Variants in MIDEAS observed in about 807,000 individuals in gnomAD.
MIDEAS encodes the protein mitotic deacetylase associated SANT domain protein.
Under a neutral mutation model 102.7 loss-of-function variants are expected in MIDEAS, and 26 were observed. The ratio of observed to expected loss-of-function variants is 0.25; its 90% CI spans 0.19 to 0.35. The LOEUF is 0.35. Among genes scored for constraint, MIDEAS ranks in the 10% least tolerant of loss-of-function variants. MIDEAS has a pLI of 1.00. For synonymous variants in MIDEAS, 585 were observed against 591.0 expected, an observed-to-expected ratio of 0.99 and a Z score of 0.15; for missense variants, 1,231 against 1,435.6, an observed-to-expected ratio of 0.86 and a Z score of 2.30.
intron 1 of MIDEAS, among the ~76,000 whole-genome samples, chr14:73,754,097 A>G (rs1194534920): frequency 6.6e-6 from 1 of 152,230 alleles, no homozygotes; most frequent in Admixed American, 6.5e-5. Flanking sequence ...TAAATGTCCC[A>G]CAAGTGGAAG....
intron 1 of MIDEAS, among the ~76,000 whole-genome samples, chr14:73,741,221 A>C (rs2053277441): frequency 1.3e-5 from 2 of 152,248 alleles, no homozygotes; most frequent in African/African-American, 4.8e-5. Flanking sequence ...TGACTTAAGT[A>C]CACAGTTTTT....
rs187885255 is a variant in MIDEAS at position 73,781,662 on chromosome 14, A to T, written c.-248+5440T>A. Reference sequence around the variant, plus strand: ...GGTAGTAGAATCACTTGAACCCGGCAGGCAGAGATTATGGTGAGCCAAGAT... The same window carrying T: ...GGTAGTAGAATCACTTGAACCCGGCTGGCAGAGATTATGGTGAGCCAAGAT... On this transcript the variant is annotated intron_variant, in intron 1 of 11. Coordinates refer to the MIDEAS transcript ENST00000394071. 2.6e-3 allele frequency among the ~76,000 whole-genome samples: 381 copies of T among 145,060 alleles called. 12 individuals are homozygous for T. Among genetic ancestry groups the T allele is most frequent in the Admixed American group, 0.024 (334 of 13,898 alleles).
intron 1 of MIDEAS, among the ~76,000 whole-genome samples, chr14:73,785,632 C>G (rs536997322): frequency 4.6e-5 from 7 of 152,354 alleles, no homozygotes; most frequent in African/African-American, 1.4e-4. Context: ...TCAGCCCCAA[C>G]CCAGCCACCC....
intron 1 of MIDEAS, among the ~76,000 whole-genome samples, chr14:73,768,144 G>A (rs1459136297): frequency 6.6e-6 from 1 of 152,174 alleles, no homozygotes; most frequent in African/African-American, 2.4e-5. Flanking sequence ...TCTAGCCTGG[G>A]TGACAGAGAG....
intron 1 of MIDEAS, among the ~76,000 whole-genome samples, chr14:73,768,084 C>T (rs138133352): frequency 0.018 from 2,719 of 152,194 alleles, 62 homozygotes; most frequent in African/African-American, 0.062. Context: ...CGCTTGAGCC[C>T]AGGAGGCAGA....
chr14:73,733,603 G>A (rs994218042), intron 3 of MIDEAS, among the ~76,000 whole-genome samples: 10 of 151,872 alleles, frequency 6.6e-5, no homozygotes, highest in Admixed American at 3.9e-4. Flanking sequence ...CCCTGCCCCC[G>A]CCCAAAAAAC....
chr14:73,787,259 G>C (rs914984914), upstream of MIDEAS: 1 of 148,564 alleles, frequency 6.7e-6, no homozygotes, highest in Non-Finnish European at 1.5e-5. Flanking sequence ...GTGACCCAGC[G>C]GCTCGCGCGG....
rs2053048926 is a variant in MIDEAS at position 73,725,495 on chromosome 14, C to G, written c.2486-135G>C. On this transcript the variant is annotated intron_variant, in intron 8 of 12. Coordinates refer to ENST00000423556, the MANE Select transcript of MIDEAS (RefSeq NM_001367710.1). The surrounding 1 kb of genome is among the most constrained non-coding windows in gnomAD (Gnocchi z 4.1). ...GCATCAGAGCCGGCTCCTCGTCCCA[C>G]TTCCATGTGCCTCACAGCCTCGCTC... 1.9e-5 allele frequency: 13 copies of G among 669,786 alleles called. No homozygotes were observed. The highest frequency in any genetic ancestry group is 3.5e-5 in the Non-Finnish European group (13 of 376,374). The allele number at this position is 669,786 out of a possible 1,614,324, so 41.5% of individuals were successfully genotyped here.
intron 3 of MIDEAS, among the ~76,000 whole-genome samples, chr14:73,732,785 CA>C (rs57681928): frequency 0.056 from 2,601 of 46,056 alleles, 67 homozygotes; most frequent in African/African-American, 0.17. Context: ...GACTCCCTCT[CA>C]AAAAAAAAAA....
At chr14:73,755,581 G>T (rs12889360) in intron 1 of MIDEAS, among the ~76,000 whole-genome samples, 6 of 151,904 alleles carry the variant, frequency 3.9e-5, no homozygotes, top group African/African-American at 1.5e-4. Context: ...GAGCAGCTCA[G>T]CCTGGGGCCT....
At chr14:73,765,646 C>T (rs540009541) in intron 1 of MIDEAS, among the ~76,000 whole-genome samples, 93 of 152,312 alleles carry the variant, frequency 6.1e-4, no homozygotes, top group Non-Finnish European at 9.8e-4. Context: ...TTCCCAGCCT[C>T]AGCCCACATG....
chr14:73,727,770 T>G (rs1241451322), intron 4 of MIDEAS: 1 of 484,990 alleles, frequency 2.1e-6, no homozygotes, highest in Admixed American at 3.9e-5. Flanking sequence ...TCTCCTACGG[T>G]TAATGTGAGA....
Position 73,718,633 on chromosome 14 carries a change from CAA to C in MIDEAS, c.*208_*209del, listed in dbSNP as rs1322776779. ...AGGACAGCTTCCGACAGACCAAATG[CAA>C]AGAGAGCTGGATCCTGGAGCCCTTA... On this transcript the variant is annotated 3_prime_UTR_variant, in exon 13 of 13. Transcript: ENST00000423556. 5 of 447,030 alleles carry C rather than the reference CAA, an allele frequency of 1.1e-5. No individual in the cohort carries two copies. The highest frequency in any genetic ancestry group is 1.1e-5 in the Non-Finnish European group (3 of 271,242). 27.7% of individuals were successfully genotyped at this position (447,030 alleles called of 1,614,324 possible).
chr14:73,745,869 G>C (rs1343546583), intron 1 of MIDEAS, among the ~76,000 whole-genome samples: 1 of 152,236 alleles, frequency 6.6e-6, no homozygotes, highest in Non-Finnish European at 1.5e-5. Context: ...TGAGAGAGCA[G>C]GCAAGAGGCC....
chr14:73,719,394 T>A lies in MIDEAS; in HGVS notation c.3045A>T (p.Ala1015=). Residue 1015 remains alanine (A), a synonymous_variant, in exon 12 of 13, where the codon GCA becomes GCT. Coordinates refer to ENST00000423556, the MANE Select transcript of MIDEAS (RefSeq NM_001367710.1). ...TTTTCTTCTTCTCTGAAAAAGGTAG[T>A]GCCCTTCGTGACTTCCCTGTCCCTT... ...PREGTGKSRR[A]LPFSEKKKKT... is the part of the protein sequence containing the mutation. 1 of 1,614,098 alleles carries A rather than the reference T, an allele frequency of 6.2e-7. No individual in the cohort carries two copies. Among genetic ancestry groups the A allele is most frequent in the Non-Finnish European group, 8.5e-7 (1 of 1,179,986 alleles).
upstream of MIDEAS, among the ~76,000 whole-genome samples, chr14:73,761,813 C>T (rs2053557755): frequency 6.6e-6 from 1 of 152,200 alleles, no homozygotes; most frequent in Admixed American, 6.5e-5. Flanking sequence ...TGTGGATGTA[C>T]TGAGGTTCAG....
At chr14:73,769,749 G>A (rs989394443) in intron 1 of MIDEAS, among the ~76,000 whole-genome samples, 16 of 151,900 alleles carry the variant, frequency 1.1e-4, no homozygotes, top group African/African-American at 3.9e-4. Flanking sequence ...CTGTAGGCAC[G>A]CACCACCACG....
intron 1 of MIDEAS, among the ~76,000 whole-genome samples, chr14:73,784,286 G>A (rs970033288): frequency 2.0e-5 from 3 of 152,256 alleles, no homozygotes; most frequent in Non-Finnish European, 2.9e-5. Context: ...GGAAGTCAGG[G>A]TTATGATTCT....
intron 1 of MIDEAS, among the ~76,000 whole-genome samples, chr14:73,756,271 T>A (rs189708119): frequency 1.3e-5 from 1 of 78,142 alleles, no homozygotes; most frequent in African/African-American, 6.1e-5. Flanking sequence ...CATGTCAGTG[T>A]GTGTGTGTGT....
Sources: allele counts gnomAD v4.1 joint callset (sites outside exome capture counted in the v4.1 genomes callset), GRCh38; gene constraint gnomAD v4.1.1; non-coding constraint Gnocchi (gnomAD v3.1); transcripts MANE v1.5; gene names NCBI Gene and HGNC (gene_info 2026-07-23, HGNC 2026-07-21).